DOP1A: variants seen among roughly 807,000 people sequenced by gnomAD.
DOP1A encodes the protein protein DOP1A.
DOP1A carries 90 observed loss-of-function variants against 267.6 expected under a neutral mutation model. The ratio of observed to expected loss-of-function variants is 0.34; its 90% CI spans 0.28 to 0.40. DOP1A has a LOEUF of 0.40. Among genes scored for constraint, DOP1A ranks in the 10% least tolerant of loss-of-function variants. The pLI is 1.00. For missense variants in DOP1A, 2,437 were observed against 2,900.4 expected (o/e 0.84, Z 3.67); for synonymous variants, 932 against 999.1 (o/e 0.93, Z 1.27).
At position 83,158,484 on chromosome 6, in the gene DOP1A, G is replaced by A. The variant is rs529177021; in HGVS notation, c.6742-83G>A. 7.7e-4 allele frequency: 836 copies of A among 1,083,750 alleles called. 10 individuals are homozygous for A. In the Admixed American group the frequency reaches 0.018, roughly 23 times the overall value. The allele number at this position is 1,083,750 out of a possible 1,614,324, so 67.1% of individuals were successfully genotyped here. On this transcript the variant is annotated intron_variant, in intron 35 of 38. Coordinates refer to ENST00000349129, the MANE Select transcript of DOP1A (RefSeq NM_015018.4). The stretch of plus-strand genomic sequence containing the variant: ...AATGTATTCTAAAATTTGTTTTTGC[G>A]TTAATGAAAATACAACTTAAAGATA...
At chr6:83,123,563 A>T (rs1475105281) in intron 12 of DOP1A, among the ~76,000 whole-genome samples, 2 of 152,072 alleles carry the variant, frequency 1.3e-5, no homozygotes, top group Non-Finnish European at 2.9e-5. Flanking sequence ...AAATGTAATT[A>T]TGTACGATTT....
chr6:83,130,132 A>G lies in DOP1A; in HGVS notation c.2351A>G (p.His784Arg), dbSNP rs370731099. The G allele has an allele frequency of 9.9e-6, 16 of 1,613,618 alleles. No homozygotes were observed. The African/African-American group carries it at 2.0e-4, about 20-fold the overall frequency. The change falls in exon 17 of 39, where the codon CAT becomes CGT. Residue 784 changes from histidine (H) to arginine (R), a missense_variant. Physicochemically the swap from His to Arg is conservative, Grantham distance 29. Coordinates refer to ENST00000349129, the MANE Select transcript of DOP1A (RefSeq NM_015018.4). The part of the protein sequence containing the change: ...RSEKLETDCE[H>R]VQPPQWLQTL... ...CCATCTTTTGTTTCAGACTGTGAGC[A>G]TGTGCAGCCTCCACAGTGGCTCCAG...
intron 1 of DOP1A, among the ~76,000 whole-genome samples, chr6:83,093,332 TGAAGTA>T (rs1770823804): frequency 6.6e-6 from 1 of 152,172 alleles, no homozygotes; most frequent in Admixed American, 6.5e-5. Flanking sequence ...ATAAAATAAT[TGAAGTA>T]GAGAATTGGG....
rs534025129 is a variant in DOP1A, at chr6:83,106,577, A to T, written c.321-2333A>T. On this transcript the variant is annotated intron_variant, in intron 4 of 38. Coordinates refer to ENST00000349129, the MANE Select transcript of DOP1A (RefSeq NM_015018.4). Reference sequence around the variant, plus strand: ...GTAATCCCAGCACTTTGGGAGGCCGAGGTGGGTGGATTACCTGAGGTCAGG... The same window carrying T: ...GTAATCCCAGCACTTTGGGAGGCCGTGGTGGGTGGATTACCTGAGGTCAGG... Among the ~76,000 whole-genome samples the T allele has an allele frequency of 1.3e-4, 20 of 152,248 alleles. 1 individual carries two copies. The highest frequency in any genetic ancestry group is 3.4e-3 in the Middle Eastern group (1 of 294).
chr6:83,148,288 T>C (rs1473212403), intron 26 of DOP1A, among the ~76,000 whole-genome samples: 2 of 152,026 alleles, frequency 1.3e-5, no homozygotes, highest in African/African-American at 2.4e-5. Flanking sequence ...AGCGCACGCC[T>C]GTAGTCCCAG....
intron 34 of DOP1A, 106 bp downstream of exon 34, chr6:83,156,209 T>G: frequency 1.1e-6 from 1 of 877,404 alleles, no homozygotes; most frequent in Non-Finnish European, 1.7e-6. Context: ...CAAGTGTAGA[T>G]CAATCGGGAA....
intron 26 of DOP1A, 143 bp downstream of exon 26, chr6:83,147,434 A>G (rs1780804090): frequency 2.5e-6 from 1 of 395,682 alleles, no homozygotes; most frequent in Non-Finnish European, 4.5e-6. Context: ...AGGATATTGA[A>G]GATTCCTAGA....
chr6:83,111,124 A>G (rs965777855), intron 6 of DOP1A, among the ~76,000 whole-genome samples: 3 of 151,726 alleles, frequency 2.0e-5, no homozygotes, highest in African/African-American at 7.3e-5. Context: ...ATATAAGTGG[A>G]CTCATTTTTT....
chr6:83,148,289 G>T (rs776019729), intron 26 of DOP1A, among the ~76,000 whole-genome samples: 2 of 152,078 alleles, frequency 1.3e-5, no homozygotes, highest in South Asian at 4.1e-4. Flanking sequence ...GCGCACGCCT[G>T]TAGTCCCAGC....
Position 83,122,010 on chromosome 6 carries a change from A to G in DOP1A, c.1180A>G (p.Thr394Ala), listed in dbSNP as rs554137970. 4.3e-6 allele frequency: 7 copies of G among 1,611,650 alleles called. No individual in the cohort carries two copies. The East Asian group carries it at 1.3e-4, about 31-fold the overall frequency. The change falls in exon 11 of 39, where the codon ACT becomes GCT. Residue 394 changes from threonine to alanine, a missense_variant. This residue lies in a region of DOP1A where 498 missense variants were observed against 513.5 expected (regional missense o/e 0.97). Transcript: ENST00000349129. Reference protein sequence around the residue: ...SQCKAELDLQTEPPFSKDHAQ... With the variant: ...SQCKAELDLQAEPPFSKDHAQ... ...ATGCAAAGCAGAGTTGGATCTTCAA[A>G]CTGAACCACCCTTCAGCAAGGATCA...
Position 83,138,591 on chromosome 6 carries a change from G to A in DOP1A, c.4549G>A (p.Asp1517Asn). ...GAAGGGTTTCCCTAGTTTTATTTCT[G>A]ATATGTTATCTAAGTGCAAAGTTCA... Reference protein sequence around the residue: ...SAKGFPSFISDMLSKCKVQKV... With the variant: ...SAKGFPSFISNMLSKCKVQKV... Residue 1517 changes from aspartate to asparagine, a missense_variant, in exon 21 of 39, where the codon GAT becomes AAT. By Grantham distance (23) the Asp-to-Asn change is conservative. This residue lies in a region of DOP1A where 878 missense variants were observed against 992.9 expected (regional missense o/e 0.88). Coordinates refer to ENST00000349129, the MANE Select transcript of DOP1A (RefSeq NM_015018.4). The A allele has an allele frequency of 2.5e-6, 4 of 1,613,766 alleles. No individual in the cohort carries two copies. The highest frequency in any genetic ancestry group is 3.4e-6 in the Non-Finnish European group (4 of 1,179,892).
intron 7 of DOP1A, among the ~76,000 whole-genome samples, chr6:83,117,192 C>T (rs1312343937): frequency 6.8e-6 from 1 of 147,010 alleles, no homozygotes. Context: ...TCTCTGTCAC[C>T]TAGGCTGGAG....
chr6:83,069,103 C>A (rs1446842610), intron 1 of DOP1A, among the ~76,000 whole-genome samples: 2 of 152,128 alleles, frequency 1.3e-5, no homozygotes, highest in African/African-American at 4.8e-5. Flanking sequence ...TGAGCTCTGG[C>A]CTGGGAATGA....
At chr6:83,124,908 C>A in intron 13 of DOP1A, 89 bp downstream of exon 13, 1 of 1,070,596 alleles carries the variant, frequency 9.3e-7, no homozygotes, top group Non-Finnish European at 1.4e-6. Context: ...AGATACATTT[C>A]ATCTTTAAAA....
intron 1 of DOP1A, among the ~76,000 whole-genome samples, chr6:83,093,245 T>G (rs1216738732): frequency 6.6e-6 from 1 of 152,228 alleles, no homozygotes; most frequent in Non-Finnish European, 1.5e-5. Context: ...CAAAATCATT[T>G]CATGTCAAAT....
At chr6:83,101,818 G>T (rs1335970730) in intron 4 of DOP1A, among the ~76,000 whole-genome samples, 1 of 152,132 alleles carries the variant, frequency 6.6e-6, no homozygotes, top group Middle Eastern at 3.2e-3. Flanking sequence ...AACAATTACT[G>T]TAGATAAACA....
intron 33 of DOP1A, among the ~76,000 whole-genome samples, chr6:83,155,256 G>A (rs1418061999): frequency 6.8e-6 from 1 of 147,664 alleles, no homozygotes; most frequent in Non-Finnish European, 1.5e-5. Context: ...GAGGCCAGGA[G>A]TTTGAGACTA....
At chr6:83,074,087 G>A (rs756951044) in intron 1 of DOP1A, among the ~76,000 whole-genome samples, 14 of 152,112 alleles carry the variant, frequency 9.2e-5, no homozygotes, top group Non-Finnish European at 1.3e-4. Flanking sequence ...TATCTAAATC[G>A]TAAACAGTAC....
intron 7 of DOP1A, among the ~76,000 whole-genome samples, chr6:83,113,824 G>A (rs1177199757): frequency 6.6e-6 from 1 of 152,176 alleles, no homozygotes; most frequent in African/African-American, 2.4e-5. Flanking sequence ...AGAGCCACAT[G>A]TTTAGCCACT....
Sources: gnomAD v4.1 joint callset for allele counts (sites outside exome capture counted in the v4.1 genomes callset) on GRCh38, gnomAD v4.1.1 for gene constraint, gnomAD v4.1.1 regional missense constraint, MANE v1.5 for transcripts, NCBI Gene and HGNC (gene_info 2026-07-23, HGNC 2026-07-21) for gene names.